KIF13B: variants seen among roughly 807,000 people sequenced by gnomAD.
KIF13B encodes kinesin-like protein KIF13B.
Under a neutral mutation model 222.0 loss-of-function variants are expected in KIF13B, and 127 were observed. That is an observed-to-expected ratio of 0.57 (90% confidence interval 0.50 to 0.66). The LOEUF (loss-of-function observed/expected upper bound fraction) is 0.66. Among genes scored for constraint, KIF13B ranks in the 30% least tolerant of loss-of-function variants. The pLI is 0.00. For synonymous variants in KIF13B, 976 were observed against 919.0 expected (o/e 1.06, Z -1.12); for missense variants, 2,173 against 2,379.0 (o/e 0.91, Z 1.80).
intron 30 of KIF13B, among the ~76,000 whole-genome samples, chr8:29,117,787 C>T (rs368013039): frequency 1.3e-5 from 2 of 152,330 alleles, no homozygotes; most frequent in East Asian, 3.9e-4. Context: ...AATAAACTCC[C>T]GTGAGATACC....
chr8:29,108,293 G>T, intron 34 of KIF13B, 101 bp from the exon 35 acceptor site: 2 of 1,087,190 alleles, frequency 1.8e-6, no homozygotes, highest in Non-Finnish European at 2.7e-6. Context: ...GAACGTCAAA[G>T]TTGGGTGGCA....
intron 37 of KIF13B, among the ~76,000 whole-genome samples, chr8:29,091,360 T>C (rs938722605): frequency 6.6e-6 from 1 of 152,210 alleles, no homozygotes; most frequent in Non-Finnish European, 1.5e-5. Context: ...ATAGTAATGA[T>C]GGCAGGCTGA....
chr8:29,207,333 C>T (rs1813996431), intron 2 of KIF13B, among the ~76,000 whole-genome samples: 1 of 152,184 alleles, frequency 6.6e-6, no homozygotes, highest in South Asian at 2.1e-4. Context: ...ACAAAAGTGA[C>T]CTTCTCTGTC....
intron 2 of KIF13B, among the ~76,000 whole-genome samples, chr8:29,241,414 T>A (rs1001620105): frequency 2.6e-5 from 4 of 152,238 alleles, no homozygotes; most frequent in African/African-American, 9.6e-5. Context: ...ATAAATCTTT[T>A]AAAAAATAAA....
intron 9 of KIF13B, among the ~76,000 whole-genome samples, chr8:29,176,417 A>T (rs570492862): frequency 6.6e-6 from 1 of 152,200 alleles, no homozygotes; most frequent in Non-Finnish European, 1.5e-5. Flanking sequence ...GTGAGCTATA[A>T]ATCTTCAGGT....
At chr8:29,173,319 C>G (rs962916820) in intron 10 of KIF13B, among the ~76,000 whole-genome samples, 2 of 151,928 alleles carry the variant, frequency 1.3e-5, no homozygotes, top group Non-Finnish European at 2.9e-5. Flanking sequence ...GAAGAAGTAT[C>G]TTATCAAGAT....
chr8:29,085,849 CAAA>C (rs752162185), intron 37 of KIF13B, among the ~76,000 whole-genome samples: 3 of 67,368 alleles, frequency 4.5e-5, no homozygotes, highest in Non-Finnish European at 9.7e-5. Context: ...GAGCCCGTAA[CAAA>C]AAAAAAAAAA....
intron 35 of KIF13B, among the ~76,000 whole-genome samples, chr8:29,107,313 C>T (rs529505554): frequency 5.3e-5 from 8 of 151,936 alleles, no homozygotes; most frequent in African/African-American, 1.7e-4. Context: ...GGATTACCTG[C>T]GGTCTGGAGT....
At chr8:29,143,314 T>C (rs905093460) in intron 18 of KIF13B, among the ~76,000 whole-genome samples, 1 of 152,230 alleles carries the variant, frequency 6.6e-6, no homozygotes, top group Non-Finnish European at 1.5e-5. Context: ...GAAACGTCCC[T>C]CTCAGAGGCT....
intron 23 of KIF13B, 134 bp from the exon 24 acceptor site, chr8:29,130,799 G>C (rs1372776557): frequency 1.3e-6 from 1 of 748,960 alleles, no homozygotes; most frequent in Non-Finnish European, 2.2e-6. Flanking sequence ...CTGTAGTTCA[G>C]TGAATACCAT....
chr8:29,220,991 C>T (rs1814716872), intron 2 of KIF13B, among the ~76,000 whole-genome samples: 1 of 151,434 alleles, frequency 6.6e-6, no homozygotes, highest in African/African-American at 2.4e-5. Flanking sequence ...TATGTACATA[C>T]ATTAACTGGG....
chr8:29,192,473 A>ACTCCTGGC (rs1813231845), intron 3 of KIF13B, among the ~76,000 whole-genome samples: 1 of 151,842 alleles, frequency 6.6e-6, no homozygotes, highest in South Asian at 2.1e-4. Flanking sequence ...CTGGTCTCAG[A>ACTCCTGGC]CTCCTGGCCT....
At chr8:29,099,284 T>C in intron 35 of KIF13B, 43 bp from the exon 36 acceptor site, 1 of 1,367,752 alleles carries the variant, frequency 7.3e-7, no homozygotes, top group Non-Finnish European at 1.0e-6. Flanking sequence ...AGTTATTCAA[T>C]TAACCAAACA....
intron 1 of KIF13B, among the ~76,000 whole-genome samples, chr8:29,247,833 CAAAAAAAAAA>C (rs57720312): frequency 1.1e-4 from 6 of 54,416 alleles, no homozygotes; most frequent in South Asian, 6.6e-4. Flanking sequence ...GACCCTGTCT[CAAAAAAAAAA>C]AAAAAAAAAA....
At chr8:29,183,277 G>T (rs377256891) in intron 6 of KIF13B, among the ~76,000 whole-genome samples, 1 of 144,258 alleles carries the variant, frequency 6.9e-6, no homozygotes, top group Admixed American at 7.2e-5. Flanking sequence ...TCATCCTCCC[G>T]AATAGCTGGG....
At chr8:29,148,353 G>T (rs1444898033) in intron 16 of KIF13B, among the ~76,000 whole-genome samples, 2 of 151,204 alleles carry the variant, frequency 1.3e-5, no homozygotes, top group African/African-American at 4.9e-5. Flanking sequence ...TTTCCTTTTT[G>T]TTAACATTTG....
At chr8:29,198,462 C>T (rs1408535644) in intron 2 of KIF13B, among the ~76,000 whole-genome samples, 5 of 152,096 alleles carry the variant, frequency 3.3e-5, no homozygotes, top group Admixed American at 6.5e-5. Flanking sequence ...GCTGGGATTA[C>T]AGGGGCACAC....
At chr8:29,245,221 G>A in intron 2 of KIF13B, 125 bp downstream of exon 2, 1 of 695,878 alleles carries the variant, frequency 1.4e-6, no homozygotes, top group Non-Finnish European at 2.5e-6. Context: ...CAGGCTCACA[G>A]AAGACAGCAA....
intron 35 of KIF13B, among the ~76,000 whole-genome samples, chr8:29,106,509 G>A (rs1809074457): frequency 1.3e-5 from 2 of 151,918 alleles, no homozygotes; most frequent in Non-Finnish European, 2.9e-5. Flanking sequence ...GCGAGTGCCT[G>A]CAATCCCCGC....
Sources: gnomAD v4.1 joint callset for allele counts (sites outside exome capture counted in the v4.1 genomes callset) on GRCh38, gnomAD v4.1.1 for gene constraint, MANE v1.5 for transcripts, NCBI Gene and HGNC (gene_info 2026-07-23, HGNC 2026-07-21) for gene names.